MYO9B: variants seen among roughly 807,000 people sequenced by gnomAD.
The protein encoded by MYO9B is myosin IXB.
A neutral mutation model predicts 229.5 loss-of-function variants in MYO9B; 71 were observed. That is an observed-to-expected ratio of 0.31 (90% CI 0.26 to 0.38). The LOEUF (loss-of-function observed/expected upper bound fraction) is 0.38, where lower values mean the gene tolerates loss of function less well. MYO9B is among the 10% of genes least tolerant of loss of function. The pLI is 1.00. For missense variants in MYO9B, 2,255 were observed against 2,920.5 expected (o/e 0.77, Z 5.25); for synonymous variants, 1,185 against 1,235.8 (o/e 0.96, Z 0.86).
At chr19:17,204,628 G>A (rs1359798481) in intron 30 of MYO9B, among the ~76,000 whole-genome samples, 14 of 151,722 alleles carry the variant, frequency 9.2e-5, no homozygotes, top group Admixed American at 6.6e-5. Context: ...AGGGTCGCTT[G>A]AACTCAGGAG....
chr19:17,175,740 C>T lies in MYO9B; in HGVS notation c.2218C>T (p.Arg740Cys), dbSNP rs575812938. Reference protein sequence around the residue: ...GASTPSEKLYRDLHNQMIKSI... With the variant: ...GASTPSEKLYCDLHNQMIKSI... ...CAGCACCCCTTCGGAAAAACTTTAC[C>T]GGTGAGCAAGACCCTGATTTGCCCA... is the stretch of plus-strand genomic sequence containing the variant. The change falls in exon 14 of 40, where the codon CGC becomes TGC. Residue 740 changes from arginine (R) to cysteine (C), a missense_variant and splice_region_variant. Arg to Cys is a radical substitution (Grantham distance 180, BLOSUM62 -3). Around this residue, in one of 7 missense-constraint regions of MYO9B, gnomAD observed 155 missense variants for 159.1 expected, o/e 0.97. Transcript: ENST00000682292. 23 of 1,572,328 alleles carry T rather than the reference C, an allele frequency of 1.5e-5. No individual in the cohort carries two copies. Among genetic ancestry groups the T allele is most frequent in the South Asian group, 1.1e-4 (9 of 85,402 alleles).
chr19:17,129,478 C>T (rs1426701209), intron 2 of MYO9B, among the ~76,000 whole-genome samples: 3 of 152,196 alleles, frequency 2.0e-5, no homozygotes, highest in African/African-American at 7.2e-5. Flanking sequence ...CCAGGCAGGT[C>T]CAGGGAGGCT....
intron 9 of MYO9B, 64 bp downstream of exon 9, chr19:17,162,530 C>A: frequency 1.5e-6 from 2 of 1,346,624 alleles, no homozygotes; most frequent in Non-Finnish European, 2.1e-6. Flanking sequence ...CTACCAATAT[C>A]CTTGGTGGGC....
chr19:17,179,627 A>G (rs555044058), intron 14 of MYO9B, among the ~76,000 whole-genome samples: 1 of 151,730 alleles, frequency 6.6e-6, no homozygotes, highest in South Asian at 2.1e-4. Context: ...GGGTTTCACC[A>G]TGTTGGCCAG....
intron 16 of MYO9B, 57 bp downstream of exon 16, chr19:17,183,925 C>G (rs2072889280): frequency 1.3e-6 from 2 of 1,492,490 alleles, no homozygotes; most frequent in Admixed American, 2.1e-5. Context: ...CTTCTCTGCC[C>G]GTCTTGAGAG....
chr19:17,194,489 G>C, intron 21 of MYO9B, 67 bp from the exon 22 acceptor site: 2 of 1,552,300 alleles, frequency 1.3e-6, no homozygotes, highest in Non-Finnish European at 1.7e-6. Flanking sequence ...GGGTCCCATC[G>C]GAACTCAGTG....
intron 2 of MYO9B, among the ~76,000 whole-genome samples, chr19:17,115,423 C>T (rs1012591994): frequency 6.6e-6 from 1 of 150,502 alleles, no homozygotes; most frequent in African/African-American, 2.4e-5. Context: ...TCCACCGCTT[C>T]GTAGAATGTT....
chr19:17,201,233 A>G (rs1048767551), intron 26 of MYO9B, among the ~76,000 whole-genome samples: 3 of 151,846 alleles, frequency 2.0e-5, no homozygotes, highest in African/African-American at 7.3e-5. Flanking sequence ...ACCCTGGCTC[A>G]AAAAAAATAA....
rs534690191 is a variant in MYO9B at position 17,159,378 on chromosome 19, C to T, written c.1330-17C>T. The T allele has an allele frequency of 6.3e-7, 1 of 1,589,310 alleles. No individual in the cohort carries two copies. Among genetic ancestry groups the T allele is most frequent in the African/African-American group, 1.3e-5 (1 of 74,574 alleles). Reference sequence around the variant, plus strand: ...CCATCTCCCTTTTCCTTCTCCCTCTCCTTGACCTCCAAACAGGTGAAGCGA... The same window carrying T: ...CCATCTCCCTTTTCCTTCTCCCTCTTCTTGACCTCCAAACAGGTGAAGCGA... On this transcript the variant is annotated splice_polypyrimidine_tract_variant and intron_variant, in intron 7 of 39. Coordinates refer to ENST00000682292, the MANE Select transcript of MYO9B (RefSeq NM_004145.4).
At chr19:17,100,395 C>G (rs908890919) in intron 1 of MYO9B, among the ~76,000 whole-genome samples, 1 of 152,128 alleles carries the variant, frequency 6.6e-6, no homozygotes, top group Non-Finnish European at 1.5e-5. Flanking sequence ...ATTGCTTGAA[C>G]CCAGGCAGCA....
At chr19:17,135,661 C>T (rs887540006) in intron 2 of MYO9B, among the ~76,000 whole-genome samples, 2 of 152,094 alleles carry the variant, frequency 1.3e-5, no homozygotes, top group South Asian at 2.1e-4. Context: ...GTGAGGTCAC[C>T]GGGCCTGGGA....
chr19:17,185,373 C>CAAAA (rs200070053), intron 17 of MYO9B, among the ~76,000 whole-genome samples: 1 of 107,552 alleles, frequency 9.3e-6, no homozygotes, highest in African/African-American at 3.5e-5. Flanking sequence ...GACTCCATCT[C>CAAAA]AAAAAAAAAA....
chr19:17,096,293 G>T (rs1014512397), intron 1 of MYO9B, among the ~76,000 whole-genome samples: 4 of 152,246 alleles, frequency 2.6e-5, no homozygotes, highest in African/African-American at 9.6e-5. Flanking sequence ...TTTCTCCTGA[G>T]TAACTCCTGA....
intron 2 of MYO9B, among the ~76,000 whole-genome samples, chr19:17,131,122 A>G (rs569375756): frequency 1.2e-4 from 19 of 152,122 alleles, no homozygotes; most frequent in Admixed American, 4.6e-4. Context: ...GTAATTTTCC[A>G]TCCACTGACC....
chr19:17,177,741 G>A (rs1037539726), intron 14 of MYO9B: 2 of 152,486 alleles, frequency 1.3e-5, no homozygotes, highest in African/African-American at 4.8e-5. Context: ...CCTGGCCACA[G>A]GGCTGCAGGT....
At chr19:17,176,171 A>C (rs2072786877) in intron 14 of MYO9B, among the ~76,000 whole-genome samples, 2 of 152,090 alleles carry the variant, frequency 1.3e-5, no homozygotes, top group South Asian at 4.1e-4. Context: ...CTGGGACTAC[A>C]GGCACCCGCC....
chr19:17,101,564 C>T lies in MYO9B; in HGVS notation c.-58-96C>T, dbSNP rs1031894070. 1.1e-5 allele frequency: 14 copies of T among 1,236,964 alleles called. No individual in the cohort carries two copies. The highest frequency in any genetic ancestry group is 3.3e-5 in the South Asian group (2 of 61,402). 76.6% of individuals were successfully genotyped at this position (1,236,964 alleles called of 1,614,324 possible). A position where few individuals can be genotyped will look rare whatever the true frequency, so the allele number is the denominator to read the frequency against. On this transcript the variant is annotated intron_variant, in intron 1 of 39. Transcript: ENST00000682292. The surrounding 1 kb of genome is among the most constrained non-coding windows in gnomAD (Gnocchi z 4.7). ...CTAGTCGGGTGGGGAACTCCAGCAT[C>T]GGGTCAGGTGCTATCTGCCCAGGAG...
chr19:17,175,279 T>TAAA (rs568328254), intron 13 of MYO9B, among the ~76,000 whole-genome samples: 5 of 129,180 alleles, frequency 3.9e-5, no homozygotes, highest in African/African-American at 5.6e-5. Flanking sequence ...GGTAAAAAAT[T>TAAA]AAAAAAAAAA....
chr19:17,111,795 C>T (rs975559354), intron 2 of MYO9B, among the ~76,000 whole-genome samples: 11 of 152,202 alleles, frequency 7.2e-5, no homozygotes, highest in African/African-American at 2.7e-4. Context: ...ACTTCCCTCT[C>T]CCAGGCCCTG....
Sources: allele counts gnomAD v4.1 joint callset (sites outside exome capture counted in the v4.1 genomes callset), GRCh38; gene constraint gnomAD v4.1.1; regional missense constraint gnomAD v4.1.1; non-coding constraint Gnocchi (gnomAD v3.1); transcripts MANE v1.5; gene names NCBI Gene and HGNC (gene_info 2026-07-23, HGNC 2026-07-21).